The following GDF7 variants were observed in gnomAD, a reference collection of about 807,000 sequenced individuals.
The protein encoded by GDF7 is growth/differentiation factor 7.
A neutral mutation model predicts 13.4 loss-of-function variants in GDF7; 12 were observed. That is an observed-to-expected ratio of 0.90 (90% confidence interval 0.57 to 1.45). GDF7 has a LOEUF of 1.45. Ranked by LOEUF, GDF7 falls within the 40% of genes most tolerant of loss-of-function variation. The probability of loss-of-function intolerance (pLI) is 0.00; values close to 1 mark genes in which losing one functional copy is unlikely to be tolerated. For missense variants in GDF7, 651 were observed against 652.4 expected, an observed-to-expected ratio of 1.00 and a Z score of 0.02; for synonymous variants, 330 against 306.4, an observed-to-expected ratio of 1.08 and a Z score of -0.80.
At position 20,670,542 on chromosome 2, in the gene GDF7, C is replaced by T; in HGVS notation, c.470C>T (p.Ala157Val). The T allele has an allele frequency of 6.2e-7, 1 of 1,604,720 alleles. No individual in the cohort carries two copies. The highest frequency in any genetic ancestry group is 2.3e-5 in the East Asian group (1 of 44,282). ...SLNDADEVVG[A>V]ELRVLRRGSP... ...AACGACGCAGACGAGGTGGTGGGTG[C>T]CGAGCTGCGCGTGCTGCGCCGGGGA... The change falls in exon 2 of 2, where the codon GCC becomes GTC. Residue 157 changes from alanine to valine, a missense_variant. Ala to Val is a moderately conservative substitution (Grantham distance 64). Transcript: ENST00000272224.
rs1662269046 is a variant in GDF7, at chr2:20,678,414, C to T, written c.*6989C>T. 1 of 152,166 alleles carries T rather than the reference C, an allele frequency of 6.6e-6. No homozygotes were observed. Among genetic ancestry groups the T allele is most frequent in the South Asian group, 2.1e-4 (1 of 4,816 alleles). 9.4% of individuals were successfully genotyped at this position (152,166 alleles called of 1,614,324 possible). On this transcript the variant is annotated 3_prime_UTR_variant, in exon 2 of 2. Transcript: ENST00000272224. ...TTAATGCATTTTTTACAAGGATTAACATGCTAACTACAACTTGCCCTTTCA... is the reference window on the plus strand; with the variant it reads ...TTAATGCATTTTTTACAAGGATTAATATGCTAACTACAACTTGCCCTTTCA...
At position 20,677,868 on chromosome 2, in the gene GDF7, T is replaced by C. The variant is rs1662259414; in HGVS notation, c.*6443T>C. The C allele has an allele frequency of 6.6e-6, 1 of 152,468 alleles. No homozygotes were observed. Among genetic ancestry groups the C allele is most frequent in the South Asian group, 2.1e-4 (1 of 4,836 alleles). The allele number at this position is 152,468 out of a possible 1,614,324, so 9.4% of individuals were successfully genotyped here. On this transcript the variant is annotated 3_prime_UTR_variant, in exon 2 of 2. Transcript: ENST00000272224. ...TCTGAAAAGCAGTGACCAGGTGTGT[T>C]GAGGGCCTCCCCTTGCCTGCACCTT...
At position 20,678,315 on chromosome 2, in the gene GDF7, TTTTC is replaced by T. The variant is rs1299117665; in HGVS notation, c.*6894_*6897del. 13 of 152,266 alleles carry T rather than the reference TTTTC, an allele frequency of 8.5e-5. No homozygotes were observed. Among genetic ancestry groups the T allele is most frequent in the Non-Finnish European group, 1.8e-4 (12 of 68,054 alleles). 9.4% of individuals were successfully genotyped at this position (152,266 alleles called of 1,614,324 possible). A position where few individuals can be genotyped will look rare whatever the true frequency, so the allele number is the denominator to read the frequency against. On this transcript the variant is annotated 3_prime_UTR_variant, in exon 2 of 2. Coordinates refer to ENST00000272224, the MANE Select transcript of GDF7 (RefSeq NM_182828.4). The stretch of plus-strand genomic sequence containing the variant: ...CACTGTAATGCAAACAGCTTTTATG[TTTTC>T]TTTGACGAAGAATCATAATTGAGTC...
rs374716098 is a variant in GDF7 at position 20,670,415 on chromosome 2, A to G, written c.392-49A>G. On this transcript the variant is annotated intron_variant, in intron 1 of 1. Coordinates refer to ENST00000272224, the MANE Select transcript of GDF7 (RefSeq NM_182828.4). Reference sequence around the variant, plus strand: ...AGGCCCCGCGCTGACAGTGTGCAGGATTTGCTCTTACACAGCTCTTTCTCT... The same window carrying G: ...AGGCCCCGCGCTGACAGTGTGCAGGGTTTGCTCTTACACAGCTCTTTCTCT... The G allele has an allele frequency of 3.8e-5, 56 of 1,467,264 alleles. 1 individual carries two copies. The African/African-American group carries it at 8.2e-4, about 22-fold the overall frequency. 90.9% of individuals were successfully genotyped at this position (1,467,264 alleles called of 1,614,324 possible).
chr2:20,676,344 G>A lies in GDF7; in HGVS notation c.*4919G>A, dbSNP rs1199980498. The A allele has an allele frequency of 6.6e-6, 1 of 152,260 alleles. No individual in the cohort carries two copies. The highest frequency in any genetic ancestry group is 1.5e-5 in the Non-Finnish European group (1 of 68,060). The allele number at this position is 152,260 out of a possible 1,614,324, so 9.4% of individuals were successfully genotyped here. A position where few individuals can be genotyped will look rare whatever the true frequency, so the allele number is the denominator to read the frequency against. On this transcript the variant is annotated 3_prime_UTR_variant, in exon 2 of 2. Transcript: ENST00000272224. Reference sequence around the variant, plus strand: ...GACCCAAAAAGATGTTTATTTCTAAGTTTTCAGACAGCTTGGCATCTTGTA... The same window carrying A: ...GACCCAAAAAGATGTTTATTTCTAAATTTTCAGACAGCTTGGCATCTTGTA...
Position 20,678,078 on chromosome 2 carries a change from C to T in GDF7, c.*6653C>T, listed in dbSNP as rs757671028. 3 of 152,226 alleles carry T rather than the reference C, an allele frequency of 2.0e-5. No individual in the cohort carries two copies. The highest frequency in any genetic ancestry group is 4.8e-5 in the African/African-American group (2 of 41,448). The allele number at this position is 152,226 out of a possible 1,614,324, so 9.4% of individuals were successfully genotyped here. The stretch of plus-strand genomic sequence containing the variant: ...CAGGGCCTGTCAGACTCAAAGTCAG[C>T]TCTTCAGCATTCTGTTTAGAAAATG... On this transcript the variant is annotated 3_prime_UTR_variant, in exon 2 of 2. Transcript: ENST00000272224.
Position 20,676,236 on chromosome 2 carries a change from C to A in GDF7, c.*4811C>A, listed in dbSNP as rs995354947. 6.6e-6 allele frequency: 1 copy of A among 152,214 alleles called. No homozygotes were observed. The highest frequency in any genetic ancestry group is 1.5e-5 in the Non-Finnish European group (1 of 68,060). 9.4% of individuals were successfully genotyped at this position (152,214 alleles called of 1,614,324 possible). ...CCTTGCAGCTTCCCAGGGGAGTGAC[C>A]CTGGGGTAGCATCAGAAGAGCTTGT... is the stretch of plus-strand genomic sequence containing the variant. On this transcript the variant is annotated 3_prime_UTR_variant, in exon 2 of 2. Coordinates refer to ENST00000272224, the MANE Select transcript of GDF7 (RefSeq NM_182828.4).
chr2:20,671,569 A>G lies in GDF7; in HGVS notation c.*144A>G, dbSNP rs1355975454. 2 of 776,800 alleles carry G rather than the reference A, an allele frequency of 2.6e-6. No homozygotes were observed. Among genetic ancestry groups the G allele is most frequent in the Non-Finnish European group, 4.1e-6 (2 of 489,734 alleles). The allele number at this position is 776,800 out of a possible 1,614,324, so 48.1% of individuals were successfully genotyped here. On this transcript the variant is annotated 3_prime_UTR_variant, in exon 2 of 2. Coordinates refer to ENST00000272224, the MANE Select transcript of GDF7 (RefSeq NM_182828.4). ...GGAGGGAGAGCACACGTTCACACTC[A>G]CACACACTCGTGCAGTCACGCACAC... is the stretch of plus-strand genomic sequence containing the variant.
At chr2:20,668,421 T>C (rs1662016171) in intron 1 of GDF7, among the ~76,000 whole-genome samples, 1 of 152,224 alleles carries the variant, frequency 6.6e-6, no homozygotes, top group Non-Finnish European at 1.5e-5. Context: ...TAGGTGAGGC[T>C]GTGGTGTGGC....
Position 20,670,757 on chromosome 2 carries a change from G to C in GDF7, c.685G>C (p.Ala229Pro). 1 of 1,486,648 alleles carries C rather than the reference G, an allele frequency of 6.7e-7. No homozygotes were observed. The highest frequency in any genetic ancestry group is 8.9e-7 in the Non-Finnish European group (1 of 1,124,294). 92.1% of individuals were successfully genotyped at this position (1,486,648 alleles called of 1,614,324 possible). The change falls in exon 2 of 2, where the codon GCG (alanine) becomes CCG (proline). Residue 229 changes from alanine (A) to proline (P), a missense_variant. Physicochemically the swap from Ala to Pro is conservative, Grantham distance 27 (BLOSUM62 -1). This residue lies in a region of GDF7 where 487 missense variants were observed against 445.9 expected (regional missense o/e 1.09). Transcript: ENST00000272224. ...CCGTCGTGAACCGCGCCCCCCCCGC[G>C]CGTTCTGCCTCTTGCTGCGCGCAGT... is the stretch of plus-strand genomic sequence containing the variant. ...RHRREPRPPR[A>P]FCLLLRAVAG...
At position 20,670,900 on chromosome 2, in the gene GDF7, G is replaced by C. The variant is rs1662109200; in HGVS notation, c.828G>C (p.Arg276Ser). 2 of 1,562,112 alleles carry C rather than the reference G, an allele frequency of 1.3e-6. No homozygotes were observed. The highest frequency in any genetic ancestry group is 2.3e-5 in the South Asian group (2 of 86,122). ...AVLVVSSRTQRKESLFREIRA... is the reference protein window; with the variant it reads ...AVLVVSSRTQSKESLFREIRA... ...TAGTCGTCTCCTCCCGCACGCAGAG[G>C]AAAGAGAGCTTATTCCGGGAGATCC... is the stretch of plus-strand genomic sequence containing the variant. Residue 276 changes from arginine to serine, a missense_variant, in exon 2 of 2, where the codon AGG (arginine) becomes AGC (serine). Around this residue, in one of 4 missense-constraint regions of GDF7, gnomAD observed 487 missense variants for 445.9 expected, o/e 1.09. Coordinates refer to ENST00000272224, the MANE Select transcript of GDF7 (RefSeq NM_182828.4).
At position 20,670,949 on chromosome 2, in the gene GDF7, G is replaced by C; in HGVS notation, c.877G>C (p.Ala293Pro). 6.4e-7 allele frequency: 1 copy of C among 1,566,668 alleles called. No homozygotes were observed. The highest frequency in any genetic ancestry group is 8.6e-7 in the Non-Finnish European group (1 of 1,164,754). Residue 293 changes from alanine to proline, a missense_variant, in exon 2 of 2, where the codon GCC (alanine) becomes CCC (proline). Around this residue, in one of 4 missense-constraint regions of GDF7, gnomAD observed 487 missense variants for 445.9 expected, o/e 1.09. Coordinates refer to ENST00000272224, the MANE Select transcript of GDF7 (RefSeq NM_182828.4). ...EIRAQARALG[A>P]ALASEPLPDP... Reference sequence around the variant, plus strand: ...CCGCGCCCAGGCCCGCGCGCTCGGGGCCGCTCTGGCCTCAGAGCCGCTGCC... The same window carrying C: ...CCGCGCCCAGGCCCGCGCGCTCGGGCCCGCTCTGGCCTCAGAGCCGCTGCC...
At chr2:20,670,422 C>G (rs752537748) in intron 1 of GDF7, 42 bp from the exon 2 acceptor site, 1 of 1,481,820 alleles carries the variant, frequency 6.7e-7, no homozygotes, top group Non-Finnish European at 9.0e-7. Context: ...AGGATTTGCT[C>G]TTACACAGCT....
rs1271795062 is a variant in GDF7, at chr2:20,671,083, G to C, written c.1011G>C (p.Ala337=). The C allele has an allele frequency of 4.0e-6, 6 of 1,512,498 alleles. No individual in the cohort carries two copies. Among genetic ancestry groups the C allele is most frequent in the Non-Finnish European group, 4.4e-6 (5 of 1,133,332 alleles). 93.7% of individuals were successfully genotyped at this position (1,512,498 alleles called of 1,614,324 possible). ...TRTAQGSGGG[A]GRGHGRRGRS... is the part of the protein sequence containing the mutation. ...CAGCGCAGGGCAGCGGCGGGGGCGC[G>C]GGCCGGGGCCACGGGCGCAGGGGCC... Residue 337 remains alanine (A), a synonymous_variant, in exon 2 of 2, where the codon GCG becomes GCC. Transcript: ENST00000272224.
chr2:20,667,362 G>GGGTGGCGGC lies in GDF7; in HGVS notation c.125_126insTGGCGGCGG (p.Gly48_Gly50dup), dbSNP rs1553327113. ...GGGCTGGGCCGGTCCGGAGCCCAGGGGGCGGCGGCGGCGGCGGCGGCGGCG... is the reference window on the plus strand; with the variant it reads ...GGGCTGGGCCGGTCCGGAGCCCAGGGGGTGGCGGCGGCGGCGGCGGCGGCGGCGGCGGCG... On this transcript the variant is annotated inframe_insertion, in exon 1 of 2. Coordinates refer to ENST00000272224, the MANE Select transcript of GDF7 (RefSeq NM_182828.4). This position sits in a 1 kb window ranked among gnomAD's most constrained non-coding sequence, Gnocchi z 6.4. 10 of 809,266 alleles carry GGGTGGCGGC rather than the reference G, an allele frequency of 1.2e-5. No individual in the cohort carries two copies. The highest frequency in any genetic ancestry group is 1.3e-5 in the Non-Finnish European group (9 of 671,872). 50.1% of individuals were successfully genotyped at this position (809,266 alleles called of 1,614,324 possible).
chr2:20,670,854 C>A lies in GDF7; in HGVS notation c.782C>A (p.Ala261Glu), dbSNP rs1015790155. ...GFGWPGGGGS[A>E]AEERAVLVVS... ...GGCTGGCCGGGCGGAGGGGGCTCTG[C>A]GGCAGAGGAGCGCGCGGTGCTAGTC... Residue 261 changes from alanine (A) to glutamate (E), a missense_variant, in exon 2 of 2, where the codon GCG becomes GAG. By Grantham distance (107) the Ala-to-Glu change is moderately radical (BLOSUM62 -1). This residue lies in a region of GDF7 where 487 missense variants were observed against 445.9 expected (regional missense o/e 1.09). Coordinates refer to ENST00000272224, the MANE Select transcript of GDF7 (RefSeq NM_182828.4). 24 of 1,501,664 alleles carry A rather than the reference C, an allele frequency of 1.6e-5. No homozygotes were observed. In the African/African-American group the frequency reaches 2.9e-4, roughly 18 times the overall value. 93.0% of individuals were successfully genotyped at this position (1,501,664 alleles called of 1,614,324 possible).
In GDF7 at chr2:20,671,404, G is replaced by A. The variant is rs1662123113; in HGVS notation, c.1332G>A (p.Val444=). 1 of 1,611,602 alleles carries A rather than the reference G, an allele frequency of 6.2e-7. No homozygotes were observed. ...VVYKQYEDMV[V]EACGCR ...ACAAGCAATACGAGGACATGGTGGTGGAGGCCTGCGGCTGCAGGTAGCGCG... is the reference window on the plus strand; with the variant it reads ...ACAAGCAATACGAGGACATGGTGGTAGAGGCCTGCGGCTGCAGGTAGCGCG... Residue 444 remains valine (V), a synonymous_variant, in exon 2 of 2, where the codon GTG becomes GTA. Transcript: ENST00000272224.
intron 1 of GDF7, among the ~76,000 whole-genome samples, chr2:20,669,032 T>A (rs1246485099): frequency 6.6e-6 from 1 of 152,192 alleles, no homozygotes; most frequent in Non-Finnish European, 1.5e-5. Context: ...AAATCCTTTC[T>A]GGGGAGCTCA....
rs772954666 is a variant in GDF7, at chr2:20,670,743, C to T, written c.671C>T (p.Pro224Leu). 3.4e-6 allele frequency: 5 copies of T among 1,483,208 alleles called. No homozygotes were observed. The highest frequency in any genetic ancestry group is 4.5e-6 in the Non-Finnish European group (5 of 1,122,744). 91.9% of individuals were successfully genotyped at this position (1,483,208 alleles called of 1,614,324 possible). ...ADAMRRHRREPRPPRAFCLLL... is the reference protein window; with the variant it reads ...ADAMRRHRRELRPPRAFCLLL... ...GCCATGAGGCGCCACCGTCGTGAAC[C>T]GCGCCCCCCCCGCGCGTTCTGCCTC... The change falls in exon 2 of 2, where the codon CCG becomes CTG. Residue 224 changes from proline to leucine, a missense_variant. Pro to Leu is a moderately conservative substitution (Grantham distance 98, BLOSUM62 -3). Coordinates refer to ENST00000272224, the MANE Select transcript of GDF7 (RefSeq NM_182828.4).
Sources: gnomAD v4.1 joint callset for allele counts (sites outside exome capture counted in the v4.1 genomes callset) on GRCh38, gnomAD v4.1.1 for gene constraint, gnomAD v4.1.1 regional missense constraint, Gnocchi (gnomAD v3.1) non-coding constraint, MANE v1.5 for transcripts, NCBI Gene and HGNC (gene_info 2026-07-23, HGNC 2026-07-21) for gene names.